Variants in AUTS2 observed in about 807,000 individuals in gnomAD.
AUTS2 encodes the protein autism susceptibility gene 2 protein.
AUTS2 carries 17 observed loss-of-function variants against 112.4 expected under a neutral mutation model. The ratio of observed to expected loss-of-function variants is 0.15; its 90% CI spans 0.10 to 0.23. The LOEUF (loss-of-function observed/expected upper bound fraction) is 0.23. Ranked by LOEUF, AUTS2 falls within the 10% of genes least tolerant of loss-of-function variation. The pLI, the probability that AUTS2 is intolerant of heterozygous loss-of-function variation, is 1.00. For synonymous variants in AUTS2, 751 were observed against 702.7 expected (o/e 1.07, Z -1.09); for missense variants, 1,510 against 1,701.6 (o/e 0.89, Z 1.98).
intron 1 of AUTS2, among the ~76,000 whole-genome samples, chr7:69,898,335 T>A (rs979336199): frequency 2.0e-5 from 3 of 152,284 alleles, no homozygotes; most frequent in African/African-American, 7.2e-5. Context: ...CCAAAACATT[T>A]TCATTTTATT....
chr7:69,801,616 G>A (rs1053240156), intron 1 of AUTS2, among the ~76,000 whole-genome samples: 1 of 151,914 alleles, frequency 6.6e-6, no homozygotes, highest in Non-Finnish European at 1.5e-5. Context: ...ACTACATTAT[G>A]TACTATCTTA....
At chr7:70,772,660 C>T (rs1054737793) in intron 11 of AUTS2, among the ~76,000 whole-genome samples, 1 of 152,184 alleles carries the variant, frequency 6.6e-6, no homozygotes, top group African/African-American at 2.4e-5. Flanking sequence ...AGGTGGGGTC[C>T]CCTCCCCCTT....
chr7:69,731,005 T>C (rs1371441506), intron 1 of AUTS2, among the ~76,000 whole-genome samples: 1 of 152,176 alleles, frequency 6.6e-6, no homozygotes, highest in East Asian at 1.9e-4. Context: ...TTAAAAAACA[T>C]GGGCTTTGGG....
At chr7:70,186,183 T>TA in intron 4 of AUTS2, among the ~76,000 whole-genome samples, 1 of 152,248 alleles carries the variant, frequency 6.6e-6, no homozygotes, top group Middle Eastern at 3.4e-3. Flanking sequence ...TTCGGGATGA[T>TA]ATGTAAAAAT....
intron 1 of AUTS2, among the ~76,000 whole-genome samples, chr7:69,671,992 A>G (rs757427030): frequency 1.3e-4 from 19 of 151,980 alleles, no homozygotes; most frequent in Non-Finnish European, 2.2e-4. Context: ...CTGAGGCAGT[A>G]GGTTGAGGGG....
intron 1 of AUTS2, among the ~76,000 whole-genome samples, chr7:69,623,905 C>A (rs1179665880): frequency 6.6e-6 from 1 of 152,126 alleles, no homozygotes. Context: ...CTCAAATTTT[C>A]TTTTCTATTC....
chr7:70,212,345 G>A (rs1722592958), intron 4 of AUTS2, among the ~76,000 whole-genome samples: 2 of 152,204 alleles, frequency 1.3e-5, no homozygotes, highest in Admixed American at 6.5e-5. Context: ...CACGGCATCT[G>A]CTTAGCAGTT....
intron 2 of AUTS2, among the ~76,000 whole-genome samples, chr7:70,000,006 A>G (rs1472063969): frequency 6.6e-6 from 1 of 152,168 alleles, no homozygotes; most frequent in African/African-American, 2.4e-5. Flanking sequence ...CATTTTGTGT[A>G]TCCCTACACA....
chr7:70,740,313 C>T (rs1788030184), intron 6 of AUTS2, among the ~76,000 whole-genome samples: 1 of 152,174 alleles, frequency 6.6e-6, no homozygotes, highest in Non-Finnish European at 1.5e-5. Flanking sequence ...GCTATTGCAG[C>T]TCCAATTTTG....
chr7:70,530,274 A>G (rs1323204538), intron 5 of AUTS2, among the ~76,000 whole-genome samples: 1 of 152,206 alleles, frequency 6.6e-6, no homozygotes, highest in South Asian at 2.1e-4. Context: ...AAAGAGGCTT[A>G]TGAAGCTTAT....
rs567040318 is a variant in AUTS2 at position 69,798,482 on chromosome 7, C to T, written c.310-100804C>T. ...TCAGTTTTATTTCTAGGCAAAAGTA[C>T]TCCTAACTGTGGCCCCTAATTTTTT... On this transcript the variant is annotated intron_variant, in intron 1 of 18. Transcript: ENST00000342771. Among the ~76,000 whole-genome samples, 3 of 152,274 alleles carry T rather than the reference C, an allele frequency of 2.0e-5. No homozygotes were observed. In the East Asian group the frequency reaches 5.8e-4, roughly 29 times the overall value.
chr7:70,610,094 G>A (rs570702492), intron 5 of AUTS2, among the ~76,000 whole-genome samples: 9 of 152,094 alleles, frequency 5.9e-5, no homozygotes, highest in African/African-American at 1.7e-4. Context: ...CCACCTCCTG[G>A]GTTAAAGCGA....
chr7:70,243,369 T>G (rs1246866361), intron 4 of AUTS2, among the ~76,000 whole-genome samples: 1 of 151,922 alleles, frequency 6.6e-6, no homozygotes, highest in Non-Finnish European at 1.5e-5. Flanking sequence ...CTGTGTTCCT[T>G]TGAAGGTTGA....
At chr7:70,094,912 TC>T (rs1238648064) in intron 2 of AUTS2, among the ~76,000 whole-genome samples, 2 of 152,122 alleles carry the variant, frequency 1.3e-5, no homozygotes, top group Admixed American at 1.3e-4. Context: ...CTGTAAGCCT[TC>T]TCCCCTGGTT....
rs754666556 is a variant in AUTS2, at chr7:70,789,845, C to T, written c.2629C>T (p.Arg877Trp). The T allele has an allele frequency of 1.5e-5, 25 of 1,614,062 alleles. No individual in the cohort carries two copies. The highest frequency in any genetic ancestry group is 1.0e-4 in the Admixed American group (6 of 60,004). Reference protein sequence around the residue: ...GHTRSSTEQIRAHLNTEAREK... With the variant: ...GHTRSSTEQIWAHLNTEAREK... ...TACCCGCAGCTCCACTGAACAGATC[C>T]GGGCTCATCTGAACACTGAGGCTCG... Residue 877 changes from arginine (R) to tryptophan (W), a missense_variant, in exon 19 of 19, where the codon CGG becomes TGG. Coordinates refer to ENST00000342771, the MANE Select transcript of AUTS2 (RefSeq NM_015570.4).
At chr7:69,929,156 C>G (rs1004325455) in intron 2 of AUTS2, among the ~76,000 whole-genome samples, 1 of 152,116 alleles carries the variant, frequency 6.6e-6, no homozygotes, top group Non-Finnish European at 1.5e-5. Context: ...TTTAGTTGGA[C>G]AGTTACTTTT....
intron 2 of AUTS2, among the ~76,000 whole-genome samples, chr7:70,074,051 C>T (rs1802911373): frequency 6.6e-6 from 1 of 152,170 alleles, no homozygotes; most frequent in South Asian, 2.1e-4. Flanking sequence ...ATAATTTAAG[C>T]AACTGCATTT....
At chr7:70,626,948 C>T (rs1160776063) in intron 5 of AUTS2, among the ~76,000 whole-genome samples, 1 of 152,212 alleles carries the variant, frequency 6.6e-6, no homozygotes, top group Non-Finnish European at 1.5e-5. Flanking sequence ...TGTGTCTTCA[C>T]TCTTGTGAAT....
At chr7:70,025,343 CT>C (rs1800465150) in intron 2 of AUTS2, among the ~76,000 whole-genome samples, 1 of 151,988 alleles carries the variant, frequency 6.6e-6, no homozygotes, top group African/African-American at 2.4e-5. Flanking sequence ...GATATACTCT[CT>C]TCTGTATCTG....
Sources: allele counts gnomAD v4.1 joint callset (sites outside exome capture counted in the v4.1 genomes callset), GRCh38; gene constraint gnomAD v4.1.1; transcripts MANE v1.5; gene names NCBI Gene and HGNC (gene_info 2026-07-23, HGNC 2026-07-21).